The following MGA variants were observed in gnomAD, a reference collection of about 807,000 sequenced individuals.
MGA encodes MAX dimerization protein MGA, also known as MAX gene-associated protein.
Under a neutral mutation model 261.1 loss-of-function variants are expected in MGA, and 40 were observed. The observed-to-expected ratio is 0.15, with a 90% CI of 0.12 to 0.20. The LOEUF is 0.20. MGA is among the 10% of genes least tolerant of loss of function. The pLI is 1.00. For missense variants in MGA, 3,397 were observed against 3,630.5 expected (o/e 0.94, Z 1.65); for synonymous variants, 1,302 against 1,290.6 (o/e 1.01, Z -0.19).
intron 9 of MGA, among the ~76,000 whole-genome samples, chr15:41,725,834 CAAAAAAAAAAAAAAAAAAAAAA>C (rs2061198762): frequency 1.1e-4 from 1 of 9,036 alleles, no homozygotes; most frequent in African/African-American, 3.2e-4. Flanking sequence ...GACTCCGTCT[CAAAAAAAAAAAAAAAAAAAAAA>C]TAAATAAATA....
intron 5 of MGA, 24 bp from the exon 6 acceptor site, chr15:41,707,704 A>G: frequency 6.3e-7 from 1 of 1,582,796 alleles, no homozygotes; most frequent in Non-Finnish European, 8.6e-7. Flanking sequence ...ATCTATGGAA[A>G]TATGATTTCC....
At chr15:41,671,248 T>A (rs776889770) in intron 2 of MGA, among the ~76,000 whole-genome samples, 2 of 152,226 alleles carry the variant, frequency 1.3e-5, no homozygotes, top group Non-Finnish European at 2.9e-5. Flanking sequence ...TTTCACAAAG[T>A]TCCAAAAAGC....
chr15:41,672,018 A>T (rs1348442195), intron 2 of MGA, among the ~76,000 whole-genome samples: 1 of 152,252 alleles, frequency 6.6e-6, no homozygotes, highest in Non-Finnish European at 1.5e-5. Context: ...AATAAGATTT[A>T]AACAGTTGAC....
At chr15:41,733,709 T>A (rs926960817) in intron 11 of MGA, among the ~76,000 whole-genome samples, 1 of 152,202 alleles carries the variant, frequency 6.6e-6, no homozygotes, top group Non-Finnish European at 1.5e-5. Flanking sequence ...GTATGTATGT[T>A]TACTCAAACA....
At chr15:41,723,425 T>C (rs1444256000) in intron 9 of MGA, among the ~76,000 whole-genome samples, 1 of 152,152 alleles carries the variant, frequency 6.6e-6, no homozygotes, top group East Asian at 1.9e-4. Context: ...TATTTACATA[T>C]ATTTTTGAGA....
At chr15:41,650,402 G>T (rs987039059) in intron 1 of MGA, among the ~76,000 whole-genome samples, 13 of 152,008 alleles carry the variant, frequency 8.6e-5, no homozygotes, top group Non-Finnish European at 1.5e-4. Flanking sequence ...ATACCTCAGT[G>T]TCAGTTCCTC....
intron 5 of MGA, among the ~76,000 whole-genome samples, chr15:41,705,340 A>G (rs1049699876): frequency 4.3e-4 from 65 of 151,614 alleles, no homozygotes; most frequent in Middle Eastern, 3.2e-3. Context: ...TTGGGAAAAC[A>G]TAACACTAAA....
intron 2 of MGA, among the ~76,000 whole-genome samples, chr15:41,687,523 TC>T (rs1177819734): frequency 2.0e-5 from 3 of 152,210 alleles, no homozygotes; most frequent in Admixed American, 6.5e-5. Flanking sequence ...AAAAAAATGA[TC>T]AACTCCTGTC....
At chr15:41,626,818 ATTATTAAAATCTTATG>A (rs1189761143) in intron 1 of MGA, among the ~76,000 whole-genome samples, 2 of 152,150 alleles carry the variant, frequency 1.3e-5, no homozygotes, top group African/African-American at 4.8e-5. Context: ...AGCTTTTCCC[ATTATTAAAATCTTATG>A]TTAGTATAGT....
At chr15:41,751,905 T>C (rs886166377) in intron 17 of MGA, 1 of 152,230 alleles carries the variant, frequency 6.6e-6, no homozygotes, top group Admixed American at 6.5e-5. Flanking sequence ...TACAACTGCT[T>C]GTTTTACAAT....
chr15:41,677,533 C>T (rs1009499548), intron 2 of MGA, among the ~76,000 whole-genome samples: 1 of 152,160 alleles, frequency 6.6e-6, no homozygotes, highest in African/African-American at 2.4e-5. Flanking sequence ...ATACTGTTTT[C>T]CAAAGTGACT....
At chr15:41,632,742 G>A (rs1319372540) in intron 1 of MGA, among the ~76,000 whole-genome samples, 1 of 150,688 alleles carries the variant, frequency 6.6e-6, no homozygotes, top group African/African-American at 2.4e-5. Context: ...AAAAGCTGGT[G>A]CCTCCTACCT....
chr15:41,702,322 C>CAA (rs10713634), intron 5 of MGA, among the ~76,000 whole-genome samples: 1 of 127,622 alleles, frequency 7.8e-6, no homozygotes, highest in Non-Finnish European at 1.6e-5. Context: ...GACATTGTCT[C>CAA]AAAAAAAAAA....
intron 15 of MGA, among the ~76,000 whole-genome samples, chr15:41,748,331 T>C (rs953977866): frequency 2.6e-5 from 4 of 151,900 alleles, no homozygotes; most frequent in African/African-American, 9.7e-5. Flanking sequence ...GAACGGCAGA[T>C]CACTTGAGGT....
At chr15:41,650,448 AT>A (rs1165626949) in intron 1 of MGA, among the ~76,000 whole-genome samples, 4 of 150,732 alleles carry the variant, frequency 2.7e-5, no homozygotes, top group Admixed American at 1.3e-4. Context: ...CTTAATTTTA[AT>A]TTTTTTTTGA....
chr15:41,737,977 CA>C (rs578231218), intron 13 of MGA, among the ~76,000 whole-genome samples: 378 of 137,646 alleles, frequency 2.7e-3, no homozygotes, highest in Middle Eastern at 3.9e-3. Context: ...GAGATTGTCT[CA>C]AAAAAAAAAA....
intron 12 of MGA, among the ~76,000 whole-genome samples, chr15:41,735,732 C>CAA (rs879872384): frequency 3.1e-5 from 4 of 127,814 alleles, no homozygotes; most frequent in Non-Finnish European, 5.1e-5. Context: ...GACTCCGTCT[C>CAA]AAAAAAAAAA....
chr15:41,749,513 A>G lies in MGA; in HGVS notation c.5906A>G (p.Lys1969Arg). 6.2e-7 allele frequency: 1 copy of G among 1,613,980 alleles called. No individual in the cohort carries two copies. The highest frequency in any genetic ancestry group is 8.5e-7 in the Non-Finnish European group (1 of 1,179,894). ...CAGCATGTTGCTTCCCTTCAGATGA[A>G]GAGAGAATCTCAGAATCCAGACCAG... Residue 1969 changes from lysine to arginine, a missense_variant, in exon 17 of 24, where the codon AAG (lysine) becomes AGG (arginine). Coordinates refer to ENST00000219905, the MANE Select transcript of MGA (RefSeq NM_001164273.2).
At chr15:41,659,391 A>G (rs1363049490), upstream of MGA, among the ~76,000 whole-genome samples, 1 of 152,190 alleles carries the variant, frequency 6.6e-6, no homozygotes, top group African/African-American at 2.4e-5. Flanking sequence ...GTCACGTAGT[A>G]GGTTCTCAGT....
Sources: gnomAD v4.1 joint callset for allele counts (sites outside exome capture counted in the v4.1 genomes callset) on GRCh38, gnomAD v4.1.1 for gene constraint, MANE v1.5 for transcripts, NCBI Gene and HGNC (gene_info 2026-07-23, HGNC 2026-07-21) for gene names.